Variants in TMEM117 observed in about 807,000 individuals in gnomAD.
TMEM117 encodes the protein transmembrane protein 117.
In TMEM117, 27 loss-of-function variants were observed where a neutral mutation model predicts 52.4. The observed-to-expected ratio is 0.51, with a 90% CI of 0.38 to 0.71. TMEM117 has a LOEUF of 0.71. Ranked by LOEUF, TMEM117 falls within the 30% of genes least tolerant of loss-of-function variation. The pLI is 0.00. For missense variants in TMEM117, 556 were observed against 630.5 expected (o/e 0.88, Z 1.26); for synonymous variants, 215 against 206.3 (o/e 1.04, Z -0.36).
the TMEM117 span, among the ~76,000 whole-genome samples, chr12:43,819,208 A>G: frequency 2.6e-5 from 4 of 152,218 alleles, no homozygotes; most frequent in Non-Finnish European, 1.5e-5. Flanking sequence ...GACATAGTGT[A>G]TGCCAAATTC....
Position 43,929,165 on chromosome 12 carries a change from G to C in TMEM117, c.278-15045G>C, listed in dbSNP as rs546585989. Among the ~76,000 whole-genome samples, 5 of 152,236 alleles carry C rather than the reference G, an allele frequency of 3.3e-5. No individual in the cohort carries two copies. In the South Asian group the frequency reaches 6.2e-4, roughly 19 times the overall value. On this transcript the variant is annotated intron_variant, in intron 2 of 7. Transcript: ENST00000266534. ...TCTAGTTCTAGATCCCTGAGGAATGGCCACACTGATTTCCACAATGGTTGA... is the reference window on the plus strand; with the variant it reads ...TCTAGTTCTAGATCCCTGAGGAATGCCCACACTGATTTCCACAATGGTTGA...
intron 3 of TMEM117, among the ~76,000 whole-genome samples, chr12:44,001,450 T>C (rs1191829422): frequency 6.6e-6 from 1 of 152,100 alleles, no homozygotes; most frequent in Non-Finnish European, 1.5e-5. Context: ...TCCAGACCAA[T>C]TGAAGTAGCA....
At chr12:44,218,819 C>T (rs1009263886) in intron 5 of TMEM117, among the ~76,000 whole-genome samples, 1 of 152,084 alleles carries the variant, frequency 6.6e-6, no homozygotes, top group Non-Finnish European at 1.5e-5. Flanking sequence ...TGGTACTGGG[C>T]TTTTCACATT....
chr12:43,937,745 A>G (rs1345947288), intron 2 of TMEM117, among the ~76,000 whole-genome samples: 1 of 151,586 alleles, frequency 6.6e-6, no homozygotes, highest in Non-Finnish European at 1.5e-5. Context: ...CTTTTTTTTT[A>G]AAATCCACTG....
At chr12:44,216,009 T>TTTC (rs1565602194) in intron 5 of TMEM117, among the ~76,000 whole-genome samples, 146 of 130,052 alleles carry the variant, frequency 1.1e-3, no homozygotes, top group African/African-American at 3.7e-3. Flanking sequence ...TTCTTTCTTT[T>TTTC]TTTTTTTTTT....
intron 2 of TMEM117, among the ~76,000 whole-genome samples, chr12:43,925,975 G>A (rs997178412): frequency 6.6e-6 from 1 of 152,168 alleles, no homozygotes; most frequent in Admixed American, 6.5e-5. Context: ...TGCCATGTAT[G>A]TGCAACACAG....
intron 4 of TMEM117, among the ~76,000 whole-genome samples, chr12:44,206,763 G>T (rs1266605599): frequency 6.6e-6 from 1 of 152,100 alleles, no homozygotes; most frequent in Non-Finnish European, 1.5e-5. Flanking sequence ...TCTAAACATT[G>T]AATATATGGA....
intron 2 of TMEM117, among the ~76,000 whole-genome samples, chr12:43,890,533 T>C (rs1944083304): frequency 6.6e-6 from 1 of 152,100 alleles, no homozygotes; most frequent in Admixed American, 6.6e-5. Flanking sequence ...TTTTTTGTTT[T>C]TTTTTGTTTT....
chr12:44,144,968 T>C (rs1409425676), intron 4 of TMEM117, among the ~76,000 whole-genome samples: 1 of 151,698 alleles, frequency 6.6e-6, no homozygotes. Context: ...CCATCCTGGC[T>C]AACACGGTGA....
At chr12:44,381,889 G>A (rs1324794001) in intron 7 of TMEM117, among the ~76,000 whole-genome samples, 1 of 152,052 alleles carries the variant, frequency 6.6e-6, no homozygotes, top group East Asian at 1.9e-4. Flanking sequence ...GGTTCCTCCA[G>A]CAGAATGTTC....
At chr12:43,809,911 T>C in the TMEM117 span, among the ~76,000 whole-genome samples, 5 of 152,160 alleles carry the variant, frequency 3.3e-5, no homozygotes. Flanking sequence ...AAGATAAAAT[T>C]CTTTCATTCC....
intron 3 of TMEM117, among the ~76,000 whole-genome samples, chr12:44,116,048 A>T (rs900761603): frequency 6.6e-6 from 1 of 152,202 alleles, no homozygotes; most frequent in African/African-American, 2.4e-5. Context: ...ACTGCACGTT[A>T]GTATTTTTCT....
intron 2 of TMEM117, among the ~76,000 whole-genome samples, chr12:43,874,645 A>G (rs1943762426): frequency 6.6e-6 from 1 of 152,116 alleles, no homozygotes; most frequent in Non-Finnish European, 1.5e-5. Context: ...AGCCTCATAT[A>G]GTCTATTTTC....
intron 6 of TMEM117, among the ~76,000 whole-genome samples, chr12:44,311,583 C>T (rs540183255): frequency 3.2e-4 from 48 of 151,450 alleles, no homozygotes; most frequent in African/African-American, 1.1e-3. Context: ...AGAGGGAGGA[C>T]GTAGAGATGA....
chr12:44,231,462 T>C (rs1387807694), intron 5 of TMEM117, among the ~76,000 whole-genome samples: 1 of 151,838 alleles, frequency 6.6e-6, no homozygotes, highest in African/African-American at 2.4e-5. Context: ...TACATGTCTC[T>C]TGGATGATGG....
At chr12:43,850,928 A>G (rs934815930) in intron 2 of TMEM117, among the ~76,000 whole-genome samples, 3 of 152,234 alleles carry the variant, frequency 2.0e-5, no homozygotes, top group Non-Finnish European at 4.4e-5. Context: ...GGGATTGCTA[A>G]TGACGAGCAC....
chr12:44,357,108 C>A (rs1951660194), intron 6 of TMEM117, among the ~76,000 whole-genome samples: 1 of 152,124 alleles, frequency 6.6e-6, no homozygotes, highest in African/African-American at 2.4e-5. Context: ...ATGCAGAATT[C>A]TTTCATAAAA....
intron 4 of TMEM117, among the ~76,000 whole-genome samples, chr12:44,178,681 A>G (rs902138134): frequency 1.3e-5 from 2 of 152,172 alleles, no homozygotes; most frequent in African/African-American, 2.4e-5. Flanking sequence ...TATGTAAAAG[A>G]TACAATATTT....
the TMEM117 span, among the ~76,000 whole-genome samples, chr12:43,817,731 T>A: frequency 1.3e-5 from 2 of 152,266 alleles, no homozygotes; most frequent in African/African-American, 2.4e-5. Flanking sequence ...CAGAAAAAAA[T>A]AAAAATACAC....
Sources: allele counts gnomAD v4.1 joint callset (sites outside exome capture counted in the v4.1 genomes callset), GRCh38; gene constraint gnomAD v4.1.1; transcripts MANE v1.5; gene names NCBI Gene and HGNC (gene_info 2026-07-23, HGNC 2026-07-21).